NSMCE2: variants seen among roughly 807,000 people sequenced by gnomAD.
NSMCE2 encodes E3 SUMO-protein ligase NSE2.
NSMCE2 carries 24 observed loss-of-function variants against 23.8 expected under a neutral mutation model. The observed-to-expected ratio is 1.01, with a 90% CI of 0.73 to 1.42. The LOEUF is 1.42. NSMCE2 is among the 40% of genes most tolerant of loss of function. The probability of loss-of-function intolerance (pLI) is 0.00; values close to 1 mark genes in which losing one functional copy is unlikely to be tolerated. For missense variants in NSMCE2, 284 were observed against 296.5 expected (o/e 0.96, Z 0.31); for synonymous variants, 92 against 94.1 (o/e 0.98, Z 0.13).
chr8:125,276,265 A>G (rs1827445769), intron 5 of NSMCE2, among the ~76,000 whole-genome samples: 1 of 152,170 alleles, frequency 6.6e-6, no homozygotes, highest in Non-Finnish European at 1.5e-5. Flanking sequence ...CCAATCAAAC[A>G]GAATGGAAAC....
chr8:125,260,755 G>A (rs969042933), intron 5 of NSMCE2, among the ~76,000 whole-genome samples: 3 of 151,594 alleles, frequency 2.0e-5, no homozygotes, highest in African/African-American at 7.3e-5. Context: ...CTCCCGAGTA[G>A]CTGGGATTAC....
chr8:125,133,950 C>G (rs1471454345), intron 3 of NSMCE2, among the ~76,000 whole-genome samples: 2 of 152,132 alleles, frequency 1.3e-5, no homozygotes, highest in Non-Finnish European at 2.9e-5. Context: ...TTGCTGGGCT[C>G]CAACCCCCAA....
At chr8:125,117,050 A>G (rs1244149146) in intron 3 of NSMCE2, among the ~76,000 whole-genome samples, 6 of 151,614 alleles carry the variant, frequency 4.0e-5, no homozygotes, top group African/African-American at 1.5e-4. Flanking sequence ...TCTAAGACCT[A>G]AATGGAAAAG....
intron 5 of NSMCE2, among the ~76,000 whole-genome samples, chr8:125,201,003 T>C (rs1429782008): frequency 6.6e-6 from 1 of 152,248 alleles, no homozygotes; most frequent in Non-Finnish European, 1.5e-5. Flanking sequence ...TCTTGTGCCT[T>C]GGTTTTCAGC....
chr8:125,238,973 T>C (rs1421928912), intron 5 of NSMCE2, among the ~76,000 whole-genome samples: 1 of 152,232 alleles, frequency 6.6e-6, no homozygotes, highest in East Asian at 1.9e-4. Flanking sequence ...GGCCGAATTG[T>C]TATTCAAATA....
chr8:125,235,321 A>C (rs948809546), intron 5 of NSMCE2, among the ~76,000 whole-genome samples: 1 of 151,556 alleles, frequency 6.6e-6, no homozygotes, highest in Non-Finnish European at 1.5e-5. Context: ...CTTGATTTCC[A>C]TTATCATATC....
chr8:125,227,817 A>T, intron 5 of NSMCE2, among the ~76,000 whole-genome samples: 1 of 152,276 alleles, frequency 6.6e-6, no homozygotes, highest in Middle Eastern at 3.4e-3. Context: ...GGTTTCTTTT[A>T]GTCTTTTTTT....
At chr8:125,227,509 T>C (rs550305474) in intron 5 of NSMCE2, among the ~76,000 whole-genome samples, 18 of 152,356 alleles carry the variant, frequency 1.2e-4, no homozygotes, top group African/African-American at 4.3e-4. Context: ...GGACAACTTT[T>C]ATTAGCATCT....
chr8:125,358,816 A>G (rs1287783280), intron 7 of NSMCE2, among the ~76,000 whole-genome samples: 1 of 152,194 alleles, frequency 6.6e-6, no homozygotes, highest in Admixed American at 6.5e-5. Context: ...ACTTAGAGAT[A>G]ATATATTGGA....
In NSMCE2 at chr8:125,304,896, G is replaced by A. The variant is rs549128398; in HGVS notation, c.419-52323G>A. Among the ~76,000 whole-genome samples, 22 of 140,396 alleles carry A rather than the reference G, an allele frequency of 1.6e-4. No homozygotes were observed. In the South Asian group the frequency reaches 1.6e-3, roughly 10 times the overall value. 92.1% of individuals were successfully genotyped at this position (140,396 alleles called of 152,430 possible). ...GAGCCAGACTCTGAAAAAAAAAAAA[G>A]AGAGAGAAAGAAAGGAAAGAGAGAA... On this transcript the variant is annotated intron_variant, in intron 5 of 7. Transcript: ENST00000287437.
intron 5 of NSMCE2, among the ~76,000 whole-genome samples, chr8:125,256,903 A>G: frequency 7.8e-6 from 1 of 128,354 alleles, no homozygotes; most frequent in East Asian, 2.5e-4. Flanking sequence ...AGCCTGGGCG[A>G]CAAAGCAAGA....
At chr8:125,328,662 G>C (rs1418401840) in intron 5 of NSMCE2, among the ~76,000 whole-genome samples, 1 of 152,198 alleles carries the variant, frequency 6.6e-6, no homozygotes, top group Non-Finnish European at 1.5e-5. Flanking sequence ...TTCTCAATGT[G>C]TAGTGTTTTA....
At chr8:125,191,102 C>T (rs1332170661) in intron 5 of NSMCE2, among the ~76,000 whole-genome samples, 1 of 152,142 alleles carries the variant, frequency 6.6e-6, no homozygotes, top group African/African-American at 2.4e-5. Flanking sequence ...GAACTCCTGA[C>T]CTCAGGTGAT....
At chr8:125,205,344 G>T (rs1399291450) in intron 5 of NSMCE2, among the ~76,000 whole-genome samples, 1 of 152,206 alleles carries the variant, frequency 6.6e-6, no homozygotes, top group African/African-American at 2.4e-5. Context: ...AAATTTTATG[G>T]TGGCTTTGAA....
intron 7 of NSMCE2, among the ~76,000 whole-genome samples, chr8:125,361,225 A>C (rs1209701561): frequency 1.3e-5 from 2 of 151,600 alleles, no homozygotes; most frequent in African/African-American, 4.8e-5. Flanking sequence ...ATGCCATCAC[A>C]CCTGGCTAAT....
intron 5 of NSMCE2, among the ~76,000 whole-genome samples, chr8:125,276,711 A>T (rs180758106): frequency 1.3e-5 from 2 of 152,288 alleles, no homozygotes; most frequent in Admixed American, 6.5e-5. Context: ...CTATATACAG[A>T]TGTATTTTTG....
intron 4 of NSMCE2, among the ~76,000 whole-genome samples, chr8:125,155,664 G>A (rs117538685): frequency 0.01 from 1,541 of 152,236 alleles, 14 homozygotes; most frequent in Non-Finnish European, 0.012. Flanking sequence ...AATAAACCCA[G>A]TGGTAGTACT....
At chr8:125,324,434 A>G (rs919878477) in intron 5 of NSMCE2, among the ~76,000 whole-genome samples, 2 of 149,644 alleles carry the variant, frequency 1.3e-5, no homozygotes, top group Non-Finnish European at 3.0e-5. Context: ...AAATGAATAG[A>G]CATTGTATGT....
intron 5 of NSMCE2, among the ~76,000 whole-genome samples, chr8:125,214,661 C>T (rs990785509): frequency 8.5e-5 from 13 of 152,292 alleles, no homozygotes; most frequent in African/African-American, 2.9e-4. Flanking sequence ...CAATCCCCTA[C>T]ACACCAGTTT....
Sources: gnomAD v4.1 joint callset for allele counts (sites outside exome capture counted in the v4.1 genomes callset) on GRCh38, gnomAD v4.1.1 for gene constraint, MANE v1.5 for transcripts, NCBI Gene and HGNC (gene_info 2026-07-23, HGNC 2026-07-21) for gene names.